Variants in HDAC9 observed in about 807,000 individuals in gnomAD.
HDAC9 encodes histone deacetylase 9.
A neutral mutation model predicts 139.4 loss-of-function variants in HDAC9; 41 were observed. That is an observed-to-expected ratio of 0.29 (90% CI 0.23 to 0.38). The LOEUF is 0.38. HDAC9 is among the 10% of genes least tolerant of loss of function. The pLI is 1.00. For missense variants in HDAC9, 1,147 were observed against 1,297.0 expected (o/e 0.88, Z 1.78); for synonymous variants, 517 against 476.2 (o/e 1.09, Z -1.12).
chr7:18,343,413 G>A (rs1460696738), intron 1 of HDAC9, among the ~76,000 whole-genome samples: 2 of 151,766 alleles, frequency 1.3e-5, no homozygotes, highest in Non-Finnish European at 2.9e-5. Flanking sequence ...TAACATATTT[G>A]ACAGAGTTTA....
At chr7:18,971,806 TAGC>T (rs1157338321) in intron 24 of HDAC9, among the ~76,000 whole-genome samples, 1 of 152,232 alleles carries the variant, frequency 6.6e-6, no homozygotes, top group African/African-American at 2.4e-5. Flanking sequence ...AATCTTAACT[TAGC>T]AGGATATTTT....
intron 23 of HDAC9, among the ~76,000 whole-genome samples, chr7:18,941,040 G>C (rs1388290969): frequency 6.6e-6 from 1 of 152,118 alleles, no homozygotes; most frequent in Non-Finnish European, 1.5e-5. Flanking sequence ...GGAAGCTGTT[G>C]AGATTATGGT....
chr7:18,651,176 A>G (rs1789137548), intron 11 of HDAC9, among the ~76,000 whole-genome samples: 1 of 152,158 alleles, frequency 6.6e-6, no homozygotes, highest in African/African-American at 2.4e-5. Context: ...TCTGTATAAT[A>G]TATTGCTGTA....
intron 2 of HDAC9, among the ~76,000 whole-genome samples, chr7:18,242,889 A>G (rs1794277098): frequency 6.6e-6 from 1 of 152,178 alleles, no homozygotes; most frequent in Admixed American, 6.5e-5. Context: ...TCTGCATCAC[A>G]TTTGTTGACA....
chr7:18,898,982 C>A (rs1801455604), intron 22 of HDAC9, among the ~76,000 whole-genome samples: 1 of 151,896 alleles, frequency 6.6e-6, no homozygotes, highest in African/African-American at 2.4e-5. Context: ...TTTTCAAATT[C>A]TGTTACGCTT....
intron 2 of HDAC9, among the ~76,000 whole-genome samples, chr7:18,541,818 T>A (rs1295912654): frequency 6.6e-6 from 1 of 152,218 alleles, no homozygotes; most frequent in African/African-American, 2.4e-5. Context: ...TAACAACATA[T>A]GTTCATAGTG....
intron 6 of HDAC9, among the ~76,000 whole-genome samples, chr7:18,610,642 T>G (rs1836863715): frequency 6.6e-6 from 1 of 152,202 alleles, no homozygotes; most frequent in South Asian, 2.1e-4. Flanking sequence ...ATGTATAAAC[T>G]TTTCTGTTTA....
intron 1 of HDAC9, among the ~76,000 whole-genome samples, chr7:18,309,307 A>C (rs1799142307): frequency 3.9e-5 from 6 of 152,130 alleles, no homozygotes; most frequent in Admixed American, 3.9e-4. Flanking sequence ...TATTCACCTT[A>C]CTTACATAGT....
Position 18,982,878 on chromosome 7 carries a change from A to G in HDAC9, c.3170+6925A>G, listed in dbSNP as rs193171200. 6.7e-4 allele frequency among the ~76,000 whole-genome samples: 102 copies of G among 152,266 alleles called. 1 individual carries two copies. Among genetic ancestry groups the G allele is most frequent in the Admixed American group, 3.5e-3 (54 of 15,274 alleles). ...AATACACCCTAATTTGTTTATCCGTATACCTACGGATGGATGTTTGGCTTG... is the reference window on the plus strand; with the variant it reads ...AATACACCCTAATTTGTTTATCCGTGTACCTACGGATGGATGTTTGGCTTG... On this transcript the variant is annotated intron_variant, in intron 25 of 25. Transcript: ENST00000686413.
chr7:18,380,667 A>G (rs1785353768), intron 1 of HDAC9, among the ~76,000 whole-genome samples: 1 of 152,208 alleles, frequency 6.6e-6, no homozygotes, highest in Admixed American at 6.5e-5. Context: ...TACTTGCAAA[A>G]TTGGAATCCA....
At chr7:18,859,806 GCT>G (rs1457036158) in intron 21 of HDAC9, among the ~76,000 whole-genome samples, 1 of 72,650 alleles carries the variant, frequency 1.4e-5, no homozygotes, top group Non-Finnish European at 2.6e-5. Context: ...AAAGGCTAAC[GCT>G]CTCATATATA....
chr7:18,377,110 T>C lies in HDAC9; in HGVS notation c.-42+86595T>C, dbSNP rs1026284215. On this transcript the variant is annotated intron_variant, in intron 1 of 3. Coordinates refer to the HDAC9 transcript ENST00000413509. ...ATTGATTTCTCACAGTTATGGAGGC[T>C]GGAAGTCCAAGATCAGAGTGCCAGC... Among the ~76,000 whole-genome samples the C allele has an allele frequency of 3.9e-5, 6 of 152,246 alleles. No homozygotes were observed. The East Asian group carries it at 7.8e-4, about 20-fold the overall frequency.
intron 17 of HDAC9, among the ~76,000 whole-genome samples, chr7:18,806,204 T>C (rs944737781): frequency 2.6e-5 from 4 of 152,204 alleles, no homozygotes; most frequent in Non-Finnish European, 5.9e-5. Flanking sequence ...AATATATCAG[T>C]GCATTATTAA....
chr7:18,102,168 A>G (rs1013330057), intron 1 of HDAC9, among the ~76,000 whole-genome samples: 2 of 152,230 alleles, frequency 1.3e-5, no homozygotes, highest in African/African-American at 4.8e-5. Context: ...ACATCTTGCT[A>G]TAGTGAATAC....
intron 13 of HDAC9, among the ~76,000 whole-genome samples, chr7:18,748,125 T>G (rs1372237272): frequency 2.6e-5 from 4 of 152,174 alleles, no homozygotes; most frequent in Non-Finnish European, 5.9e-5. Context: ...AATAGGTTTA[T>G]GGGTAGAAAT....
chr7:18,459,172 C>A (rs74878555), intron 1 of HDAC9, among the ~76,000 whole-genome samples: 9 of 152,066 alleles, frequency 5.9e-5, no homozygotes, highest in African/African-American at 9.7e-5. Context: ...CCTCTCTACT[C>A]GTGTTATAAT....
chr7:18,690,261 C>T (rs1167451871), intron 12 of HDAC9, among the ~76,000 whole-genome samples: 1 of 151,966 alleles, frequency 6.6e-6, no homozygotes, highest in Non-Finnish European at 1.5e-5. Flanking sequence ...TTATAATACG[C>T]CAAGATGCAA....
At chr7:18,902,959 G>A (rs1276982875) in intron 22 of HDAC9, among the ~76,000 whole-genome samples, 2 of 152,158 alleles carry the variant, frequency 1.3e-5, no homozygotes, top group Non-Finnish European at 2.9e-5. Flanking sequence ...TTGTGCTAAG[G>A]GGTAAGCAAA....
At chr7:18,960,492 C>G (rs150665890) in intron 24 of HDAC9, among the ~76,000 whole-genome samples, 2 of 151,912 alleles carry the variant, frequency 1.3e-5, no homozygotes, top group Non-Finnish European at 2.9e-5. Flanking sequence ...ACAACTGATA[C>G]TAGAAAAGAA....
Sources: allele counts gnomAD v4.1 joint callset (sites outside exome capture counted in the v4.1 genomes callset), GRCh38; gene constraint gnomAD v4.1.1; transcripts MANE v1.5; gene names NCBI Gene and HGNC (gene_info 2026-07-23, HGNC 2026-07-21).